Variants in MYO9A observed in about 807,000 individuals in gnomAD.
MYO9A encodes the protein myosin IXA.
A neutral mutation model predicts 293.3 loss-of-function variants in MYO9A; 103 were observed. That is an observed-to-expected ratio of 0.35 (90% CI 0.30 to 0.41). The LOEUF is 0.41. MYO9A is among the 10% of genes least tolerant of loss of function. The pLI is 1.00. For missense variants in MYO9A, 2,685 were observed against 3,033.0 expected, an observed-to-expected ratio of 0.89 and a Z score of 2.69; for synonymous variants, 1,001 against 1,035.7, an observed-to-expected ratio of 0.97 and a Z score of 0.64.
chr15:71,934,767 AT>A (rs1231631613), intron 17 of MYO9A, among the ~76,000 whole-genome samples: 1 of 114,776 alleles, frequency 8.7e-6, no homozygotes, highest in Non-Finnish European at 1.8e-5. Context: ...CACCTGGCTA[AT>A]TTTTTTTCTT....
chr15:72,084,328 C>G (rs79465199), intron 1 of MYO9A, among the ~76,000 whole-genome samples: 2 of 151,726 alleles, frequency 1.3e-5, no homozygotes, highest in African/African-American at 4.8e-5. Context: ...TTTTTGTTTT[C>G]CATTTATTTG....
At chr15:72,102,498 TTAAA>T (rs1298567766) in intron 1 of MYO9A, among the ~76,000 whole-genome samples, 4 of 141,908 alleles carry the variant, frequency 2.8e-5, no homozygotes, top group African/African-American at 1.0e-4. Flanking sequence ...ATAAATAAAT[TTAAA>T]AAAAAAAAAA....
At chr15:71,959,056 T>A (rs1172074752) in intron 14 of MYO9A, 2 of 152,082 alleles carry the variant, frequency 1.3e-5, no homozygotes, top group African/African-American at 2.4e-5. Flanking sequence ...AGAAAAAAAA[T>A]TTTCCTTAAA....
chr15:72,042,171 C>A (rs1318235844), intron 2 of MYO9A, among the ~76,000 whole-genome samples: 5 of 112,498 alleles, frequency 4.4e-5, no homozygotes, highest in African/African-American at 6.6e-5. Flanking sequence ...CATGATGGTG[C>A]AAGATAGAAT....
At chr15:71,920,312 G>A (rs12911154) in intron 18 of MYO9A, among the ~76,000 whole-genome samples, 30,122 of 152,012 alleles carry the variant, frequency 0.2, 3,235 homozygotes, top group East Asian at 0.41. Context: ...TAACTGTTTT[G>A]AGTCTCCCAA....
intron 14 of MYO9A, among the ~76,000 whole-genome samples, chr15:71,956,330 A>ATATATATATATATATATATATAT (rs1555490831): frequency 1.3e-4 from 10 of 75,576 alleles, no homozygotes; most frequent in South Asian, 4.9e-4. Flanking sequence ...AAAAAAAAAA[A>ATATATATATATATATATATATAT]ATATATATAT....
chr15:71,845,439 C>T (rs2055343077), intron 39 of MYO9A, among the ~76,000 whole-genome samples: 1 of 152,240 alleles, frequency 6.6e-6, no homozygotes, highest in Non-Finnish European at 1.5e-5. Flanking sequence ...GTGTAGCCCA[C>T]AGATCCCCAG....
intron 34 of MYO9A, chr15:71,858,557 T>C (rs1182182461): frequency 6.6e-6 from 1 of 151,754 alleles, no homozygotes; most frequent in Non-Finnish European, 1.5e-5. Context: ...AATTGAACAA[T>C]GAGAACACTT....
intron 2 of MYO9A, among the ~76,000 whole-genome samples, chr15:72,037,041 A>AC (rs1223837524): frequency 7.4e-6 from 1 of 134,904 alleles, no homozygotes; most frequent in Non-Finnish European, 1.6e-5. Flanking sequence ...CCCTCATCCT[A>AC]CTTTTTTTTT....
intron 18 of MYO9A, among the ~76,000 whole-genome samples, chr15:71,925,312 T>C (rs201586568): frequency 9.7e-3 from 228 of 23,404 alleles, no homozygotes; most frequent in African/African-American, 0.015. Context: ...TATACGTATA[T>C]ACGTATATGT....
At chr15:71,847,579 A>G (rs761942967) in intron 39 of MYO9A, 1 of 348,630 alleles carries the variant, frequency 2.9e-6, no homozygotes, top group Non-Finnish European at 6.5e-6. Context: ...CATCTTCTGC[A>G]GCACTGGAAA....
intron 14 of MYO9A, among the ~76,000 whole-genome samples, chr15:71,952,720 TG>T (rs1427777193): frequency 6.6e-6 from 1 of 152,208 alleles, no homozygotes; most frequent in African/African-American, 2.4e-5. Context: ...TAAATAAGTT[TG>T]CTTTTAAAAA....
Position 71,828,031 on chromosome 15 carries a change from A to G in MYO9A, c.7041-5T>C. 1 of 1,610,202 alleles carries G rather than the reference A, an allele frequency of 6.2e-7. No individual in the cohort carries two copies. Among genetic ancestry groups the G allele is most frequent in the South Asian group, 1.1e-5 (1 of 90,060 alleles). On this transcript the variant is annotated splice_polypyrimidine_tract_variant and splice_region_variant and intron_variant, in intron 40 of 41. Transcript: ENST00000356056. ...ATCTCAAATGTTAGCTCCTCCCTGTAAGACACAATCAAGAAACCATTAGCA... is the reference window on the plus strand; with the variant it reads ...ATCTCAAATGTTAGCTCCTCCCTGTGAGACACAATCAAGAAACCATTAGCA...
At chr15:71,852,093 C>T (rs747991561) in intron 36 of MYO9A, 39 bp downstream of exon 36, 1 of 1,579,014 alleles carries the variant, frequency 6.3e-7, no homozygotes, top group Non-Finnish European at 8.6e-7. Context: ...TCTTTCCCAA[C>T]TATAGGCCTT....
intron 27 of MYO9A, among the ~76,000 whole-genome samples, chr15:71,887,748 T>G (rs988604459): frequency 6.6e-6 from 1 of 152,300 alleles, no homozygotes; most frequent in African/African-American, 2.4e-5. Context: ...ATCTGTCTTT[T>G]GTTACAGGAT....
chr15:71,971,991 T>C (rs561755805), intron 12 of MYO9A, among the ~76,000 whole-genome samples: 4 of 152,072 alleles, frequency 2.6e-5, no homozygotes, highest in African/African-American at 7.2e-5. Flanking sequence ...TCTAATATGA[T>C]TGCCGGTTAA....
At chr15:71,942,511 CATCTT>C (rs2058804452) in intron 15 of MYO9A, among the ~76,000 whole-genome samples, 2 of 151,922 alleles carry the variant, frequency 1.3e-5, no homozygotes, top group African/African-American at 4.8e-5. Context: ...TTTTTTCTGA[CATCTT>C]AGTTTATATT....
At chr15:71,902,828 G>A in intron 22 of MYO9A, 113 bp downstream of exon 22, 1 of 854,114 alleles carries the variant, frequency 1.2e-6, no homozygotes, top group South Asian at 2.3e-5. Flanking sequence ...CTAACCAATT[G>A]TCTTCTGATA....
intron 26 of MYO9A, chr15:71,889,520 A>AGGG: frequency 6.9e-6 from 1 of 145,340 alleles, no homozygotes; most frequent in Non-Finnish European, 1.5e-5. Flanking sequence ...CAGTGGTACA[A>AGGG]TCACAGCTCA....
Sources: gnomAD v4.1 joint callset for allele counts (sites outside exome capture counted in the v4.1 genomes callset) on GRCh38, gnomAD v4.1.1 for gene constraint, MANE v1.5 for transcripts, NCBI Gene and HGNC (gene_info 2026-07-23, HGNC 2026-07-21) for gene names.